The following PALLD variants were observed in gnomAD, a reference collection of about 807,000 sequenced individuals.
PALLD encodes palladin.
PALLD carries 61 observed loss-of-function variants against 123.5 expected under a neutral mutation model. The ratio of observed to expected loss-of-function variants is 0.49; its 90% confidence interval spans 0.40 to 0.61. The LOEUF is 0.61. Among genes scored for constraint, PALLD ranks in the 20% least tolerant of loss-of-function variants. The probability of loss-of-function intolerance (pLI) is 0.00; values close to 1 mark genes in which losing one functional copy is unlikely to be tolerated. For missense variants in PALLD, 1,273 were observed against 1,377.0 expected (o/e 0.92, Z 1.20); for synonymous variants, 465 against 496.4 (o/e 0.94, Z 0.84).
chr4:168,590,297 G>A (rs780724961), intron 2 of PALLD, among the ~76,000 whole-genome samples: 1 of 152,206 alleles, frequency 6.6e-6, no homozygotes, highest in African/African-American at 2.4e-5. Flanking sequence ...AGCCAAGATT[G>A]CGCCATTGCA....
intron 2 of PALLD, among the ~76,000 whole-genome samples, chr4:168,600,046 T>TACACACATATATACATACATGTGTATAC (rs1772435922): frequency 6.9e-6 from 1 of 144,766 alleles, no homozygotes; most frequent in Non-Finnish European, 1.5e-5. Context: ...TACATGTGTA[T>TACACACATATATACATACATGTGTATAC]ACACACATAT....
chr4:168,836,495 G>A (rs927240011), intron 10 of PALLD, among the ~76,000 whole-genome samples: 2 of 152,184 alleles, frequency 1.3e-5, no homozygotes, highest in Non-Finnish European at 2.9e-5. Flanking sequence ...AAAAAGTACA[G>A]ACACTGAAAT....
At chr4:168,809,231 T>A (rs974931648) in intron 10 of PALLD, among the ~76,000 whole-genome samples, 4 of 152,200 alleles carry the variant, frequency 2.6e-5, no homozygotes, top group Non-Finnish European at 5.9e-5. Flanking sequence ...CTCTAGCTTC[T>A]GAGAAATTCC....
At chr4:168,738,959 C>G (rs1378190094) in intron 10 of PALLD, among the ~76,000 whole-genome samples, 1 of 152,136 alleles carries the variant, frequency 6.6e-6, no homozygotes, top group Non-Finnish European at 1.5e-5. Context: ...AGGTATCTAT[C>G]ATTCTGCTTT....
At chr4:168,555,649 G>A (rs1040080448) in intron 2 of PALLD, among the ~76,000 whole-genome samples, 3 of 152,326 alleles carry the variant, frequency 2.0e-5, no homozygotes, top group South Asian at 2.1e-4. Flanking sequence ...TAAACCAGCA[G>A]GTGAGGCAGA....
chr4:168,712,256 A>G, intron 10 of PALLD: 1 of 410,674 alleles, frequency 2.4e-6, no homozygotes. Context: ...TCAGCCCTTT[A>G]TTAAAAGCAT....
At chr4:168,924,827 C>A (rs746931277) in intron 19 of PALLD, 118 bp from the exon 20 acceptor site, 2 of 973,236 alleles carry the variant, frequency 2.1e-6, no homozygotes, top group Non-Finnish European at 3.3e-6. Context: ...ATAAGTATGA[C>A]CCTATTATCA....
chr4:168,702,722 T>C (rs1783794633), intron 8 of PALLD, among the ~76,000 whole-genome samples: 1 of 152,136 alleles, frequency 6.6e-6, no homozygotes, highest in Admixed American at 6.6e-5. Context: ...TCTCTTACAG[T>C]ACTGATCTTG....
At chr4:168,587,145 G>A (rs778241718) in intron 2 of PALLD, among the ~76,000 whole-genome samples, 1 of 152,292 alleles carries the variant, frequency 6.6e-6, no homozygotes, top group East Asian at 1.9e-4. Flanking sequence ...AATGCCTGCA[G>A]TGCTGATGTT....
intron 10 of PALLD, among the ~76,000 whole-genome samples, chr4:168,843,022 G>C (rs1746272866): frequency 6.6e-6 from 1 of 152,208 alleles, no homozygotes; most frequent in Admixed American, 6.5e-5. Context: ...ATATGTCATA[G>C]TATACGAAGG....
At chr4:168,810,455 G>A (rs1740906784) in intron 10 of PALLD, among the ~76,000 whole-genome samples, 1 of 152,052 alleles carries the variant, frequency 6.6e-6, no homozygotes, top group African/African-American at 2.4e-5. Context: ...AGGAGTTCGA[G>A]ACCAGCCTGG....
At chr4:168,611,710 A>T (rs3936210) in intron 2 of PALLD, among the ~76,000 whole-genome samples, 1 of 152,156 alleles carries the variant, frequency 6.6e-6, no homozygotes, top group African/African-American at 2.4e-5. Context: ...TTAATGCTCA[A>T]CTACCTGGAA....
intron 2 of PALLD, among the ~76,000 whole-genome samples, chr4:168,581,533 ATTT>A (rs760816832): frequency 1.4e-4 from 22 of 151,932 alleles, no homozygotes; most frequent in Non-Finnish European, 3.2e-4. Context: ...TTTGTTGGCC[ATTT>A]GTTTTCTTTG....
chr4:168,827,026 T>C (rs1020183876), intron 10 of PALLD, among the ~76,000 whole-genome samples: 3 of 152,238 alleles, frequency 2.0e-5, no homozygotes, highest in Non-Finnish European at 4.4e-5. Context: ...TTGTTTATCG[T>C]AGCGTGGCCT....
intron 10 of PALLD, chr4:168,829,363 C>T (rs6822711): frequency 0.63 from 96,436 of 151,988 alleles, 30,902 homozygotes; most frequent in Non-Finnish European, 0.69. Context: ...GTGCGTATGT[C>T]TTCTCACAGC....
intron 2 of PALLD, among the ~76,000 whole-genome samples, chr4:168,599,458 T>C (rs755879906): frequency 4.6e-5 from 7 of 152,312 alleles, no homozygotes; most frequent in Admixed American, 2.0e-4. Flanking sequence ...CTGTTACAGA[T>C]AGACTGTCAC....
intron 10 of PALLD, among the ~76,000 whole-genome samples, chr4:168,837,747 C>T (rs1443651491): frequency 2.0e-5 from 3 of 152,282 alleles, no homozygotes; most frequent in Middle Eastern, 3.4e-3. Context: ...AGTCTGGGAC[C>T]TCATTAATTC....
intron 17 of PALLD, among the ~76,000 whole-genome samples, chr4:168,919,705 A>G (rs1761036429): frequency 6.6e-6 from 1 of 152,150 alleles, no homozygotes; most frequent in South Asian, 2.1e-4. Context: ...ACATTCCTAG[A>G]CACTGATTAT....
chr4:168,643,834 A>G (rs1777185191), intron 2 of PALLD, among the ~76,000 whole-genome samples: 1 of 152,180 alleles, frequency 6.6e-6, no homozygotes. Context: ...TAATAATCCC[A>G]GGACATAAGG....
Sources: allele counts gnomAD v4.1 joint callset (sites outside exome capture counted in the v4.1 genomes callset), GRCh38; gene constraint gnomAD v4.1.1; transcripts MANE v1.5; gene names NCBI Gene and HGNC (gene_info 2026-07-23, HGNC 2026-07-21).